The following SAMD12 variants were observed in gnomAD, a reference collection of about 807,000 sequenced individuals.
SAMD12 encodes the protein sterile alpha motif domain containing 12, also known as sterile alpha motif domain-containing protein 12.
In SAMD12, 9 loss-of-function variants were observed where a neutral mutation model predicts 15.0. The observed-to-expected ratio is 0.60, with a 90% confidence interval of 0.36 to 1.05. The LOEUF (loss-of-function observed/expected upper bound fraction) is 1.05, where lower values mean the gene tolerates loss of function less well. SAMD12 is among the 50% of genes least tolerant of loss of function. The pLI is 0.01. For missense variants in SAMD12, 230 were observed against 234.2 expected, an observed-to-expected ratio of 0.98 and a Z score of 0.12; for synonymous variants, 86 against 90.1, an observed-to-expected ratio of 0.96 and a Z score of 0.25.
intron 1 of SAMD12, among the ~76,000 whole-genome samples, chr8:118,610,473 G>C (rs942681236): frequency 6.6e-6 from 1 of 152,160 alleles, no homozygotes; most frequent in Non-Finnish European, 1.5e-5. Context: ...CAAATTAGCA[G>C]TGTGACCTCA....
At chr8:118,602,735 C>A (rs1827890868) in intron 1 of SAMD12, among the ~76,000 whole-genome samples, 1 of 152,162 alleles carries the variant, frequency 6.6e-6, no homozygotes, top group South Asian at 2.1e-4. Flanking sequence ...ACAATGAAGA[C>A]CATGATCAAC....
intron 2 of SAMD12, among the ~76,000 whole-genome samples, chr8:118,454,185 A>C (rs1823169891): frequency 6.6e-6 from 1 of 152,214 alleles, no homozygotes; most frequent in African/African-American, 2.4e-5. Context: ...AAAAGTCTTT[A>C]TTCTACCTTC....
chr8:118,320,877 T>C (rs1224514367), intron 4 of SAMD12, among the ~76,000 whole-genome samples: 1 of 149,128 alleles, frequency 6.7e-6, no homozygotes, highest in East Asian at 2.0e-4. Context: ...TCTTTGTCAA[T>C]GCATTAATTA....
At chr8:118,412,196 T>A (rs964115097) in intron 3 of SAMD12, among the ~76,000 whole-genome samples, 5 of 152,138 alleles carry the variant, frequency 3.3e-5, no homozygotes, top group African/African-American at 1.2e-4. Flanking sequence ...AACACAGACC[T>A]GTGTCTTTTG....
At chr8:118,281,768 T>A (rs1478181827) in intron 4 of SAMD12, among the ~76,000 whole-genome samples, 1 of 152,208 alleles carries the variant, frequency 6.6e-6, no homozygotes, top group African/African-American at 2.4e-5. Flanking sequence ...CTACCAAGTA[T>A]GATTCCAGGA....
intron 3 of SAMD12, among the ~76,000 whole-genome samples, chr8:118,387,356 A>C (rs1298796441): frequency 6.6e-6 from 1 of 152,190 alleles, no homozygotes; most frequent in Non-Finnish European, 1.5e-5. Context: ...CAAATGAAAT[A>C]ATACATACAT....
intron 2 of SAMD12, among the ~76,000 whole-genome samples, chr8:118,488,572 T>C (rs1824351421): frequency 6.6e-6 from 1 of 152,182 alleles, no homozygotes; most frequent in Non-Finnish European, 1.5e-5. Context: ...ACTGCTATTC[T>C]GGTACCTCTC....
intron 2 of SAMD12, among the ~76,000 whole-genome samples, chr8:118,535,215 C>T (rs967502139): frequency 6.6e-6 from 1 of 152,210 alleles, no homozygotes; most frequent in Admixed American, 6.5e-5. Flanking sequence ...GAGGTCCACT[C>T]CAGACCCTGT....
At chr8:118,552,727 G>C (rs953121911) in intron 2 of SAMD12, among the ~76,000 whole-genome samples, 11 of 152,306 alleles carry the variant, frequency 7.2e-5, no homozygotes, top group Admixed American at 3.3e-4. Flanking sequence ...ATTAGGAAAA[G>C]AGGAAGTCAA....
chr8:118,595,564 G>A (rs1827703444), intron 1 of SAMD12, among the ~76,000 whole-genome samples: 1 of 152,166 alleles, frequency 6.6e-6, no homozygotes, highest in Non-Finnish European at 1.5e-5. Context: ...ACCAGAGAAA[G>A]TCTATCAATC....
intron 1 of SAMD12, among the ~76,000 whole-genome samples, chr8:118,613,588 T>C (rs1323973355): frequency 2.0e-5 from 3 of 152,222 alleles, no homozygotes; most frequent in Non-Finnish European, 4.4e-5. Flanking sequence ...CCTTAATCCC[T>C]AAAAGGTCCT....
At chr8:118,348,716 C>G (rs1817801221) in intron 4 of SAMD12, among the ~76,000 whole-genome samples, 1 of 152,194 alleles carries the variant, frequency 6.6e-6, no homozygotes, top group African/African-American at 2.4e-5. Flanking sequence ...ATTTCCAGCT[C>G]AAGCTGTTTT....
chr8:118,352,445 T>C (rs1818002764), intron 4 of SAMD12, among the ~76,000 whole-genome samples: 1 of 152,130 alleles, frequency 6.6e-6, no homozygotes, highest in African/African-American at 2.4e-5. Flanking sequence ...CAACTGGCTA[T>C]GCTTAGGTGG....
At chr8:118,553,123 T>C (rs1285713514) in intron 2 of SAMD12, among the ~76,000 whole-genome samples, 1 of 151,520 alleles carries the variant, frequency 6.6e-6, no homozygotes, top group South Asian at 2.1e-4. Flanking sequence ...AATTTACAGA[T>C]TCAATGCCAT....
At chr8:118,403,048 C>T (rs1820944873) in intron 3 of SAMD12, among the ~76,000 whole-genome samples, 1 of 152,190 alleles carries the variant, frequency 6.6e-6, no homozygotes, top group Non-Finnish European at 1.5e-5. Flanking sequence ...CCCACACAGC[C>T]TGCACTGTGA....
chr8:118,285,818 T>C (rs1226283644), intron 4 of SAMD12, among the ~76,000 whole-genome samples: 1 of 152,180 alleles, frequency 6.6e-6, no homozygotes, highest in Non-Finnish European at 1.5e-5. Context: ...CAGTAATTGG[T>C]AGCTATAAGT....
chr8:118,180,548 C>CT, the SAMD12 span, among the ~76,000 whole-genome samples: 2 of 105,254 alleles, frequency 1.9e-5, no homozygotes, highest in Non-Finnish European at 4.8e-5. Context: ...CTTTCTCTCT[C>CT]CCTCTCTCTC....
At chr8:118,217,927 C>T (rs544260226) in intron 4 of SAMD12, among the ~76,000 whole-genome samples, 154 of 152,250 alleles carry the variant, frequency 1.0e-3, no homozygotes, top group African/African-American at 3.6e-3. Context: ...GTGCTAATCC[C>T]AATCCTGCCT....
chr8:118,596,794 T>G (rs1037453545), intron 1 of SAMD12, among the ~76,000 whole-genome samples: 1 of 152,208 alleles, frequency 6.6e-6, no homozygotes, highest in African/African-American at 2.4e-5. Flanking sequence ...GTAAATCAGA[T>G]GTGGTCCATG....
Sources: allele counts gnomAD v4.1 joint callset (sites outside exome capture counted in the v4.1 genomes callset), GRCh38; gene constraint gnomAD v4.1.1; transcripts MANE v1.5; gene names NCBI Gene and HGNC (gene_info 2026-07-23, HGNC 2026-07-21).